Variants in RPE observed in about 807,000 individuals in gnomAD.
RPE encodes the protein ribulose-phosphate 3-epimerase.
A neutral mutation model predicts 24.6 loss-of-function variants in RPE; 16 were observed. The observed-to-expected ratio is 0.65, with a 90% CI of 0.44 to 0.99. The LOEUF is 0.99. Among genes scored for constraint, RPE ranks in the 50% least tolerant of loss-of-function variants. The pLI, the probability that RPE is intolerant of heterozygous loss-of-function variation, is 0.00. For missense variants in RPE, 240 were observed against 294.5 expected (o/e 0.81, Z 1.35); for synonymous variants, 93 against 98.4 (o/e 0.94, Z 0.33).
rs1210815588 is a variant in RPE at position 210,022,128 on chromosome 2, G to A, written c.*2337G>A. On this transcript the variant is annotated 3_prime_UTR_variant, in exon 6 of 6. Transcript: ENST00000359429. ...ACTCAAATTGAGTTTTCAAAGATGT[G>A]ATAGTATTAAAGTGCACCAATATTT... 3.3e-5 allele frequency: 5 copies of A among 151,262 alleles called. No homozygotes were observed. The highest frequency in any genetic ancestry group is 1.5e-5 in the Non-Finnish European group (1 of 67,866). The allele number at this position is 151,262 out of a possible 1,614,324, so 9.4% of individuals were successfully genotyped here. A position where few individuals can be genotyped will look rare whatever the true frequency, so the allele number is the denominator to read the frequency against.
chr2:210,002,638 A>T lies in RPE; in HGVS notation c.-24A>T, dbSNP rs768922593. The T allele has an allele frequency of 9.3e-6, 15 of 1,609,386 alleles. No individual in the cohort carries two copies. In the Admixed American group the frequency reaches 2.3e-4, roughly 25 times the overall value. ...CTAGCCTTGCCGGGGACTCGTGGGTAACTTGCTTTTGGGAGCCAGCGGTAT... is the reference window on the plus strand; with the variant it reads ...CTAGCCTTGCCGGGGACTCGTGGGTTACTTGCTTTTGGGAGCCAGCGGTAT... On this transcript the variant is annotated 5_prime_UTR_variant, in exon 1 of 6. Transcript: ENST00000359429.
chr2:210,004,003 G>T (rs976891596), intron 1 of RPE, among the ~76,000 whole-genome samples: 8 of 152,136 alleles, frequency 5.3e-5, no homozygotes, highest in Admixed American at 5.2e-4. Context: ...TCTCACAAAG[G>T]TTGGCTTTTA....
In RPE at chr2:210,022,215, C is replaced by CAAAG. The variant is rs1029685042; in HGVS notation, c.*2426_*2429dup. 3 of 151,744 alleles carry CAAAG rather than the reference C, an allele frequency of 2.0e-5. No individual in the cohort carries two copies. The highest frequency in any genetic ancestry group is 7.3e-5 in the African/African-American group (3 of 41,300). The allele number at this position is 151,744 out of a possible 1,614,324, so 9.4% of individuals were successfully genotyped here. Reference sequence around the variant, plus strand: ...ACAGAAAGTAGCCTGTGTTTAGTCCCAAAGATAGCAGTGATTTTGAATAAA... The same window carrying CAAAG: ...ACAGAAAGTAGCCTGTGTTTAGTCCCAAAGAAAGATAGCAGTGATTTTGAATAAA... On this transcript the variant is annotated 3_prime_UTR_variant, in exon 6 of 6. Coordinates refer to ENST00000359429, the MANE Select transcript of RPE (RefSeq NM_199229.3).
intron 2 of RPE, 124 bp downstream of exon 2, chr2:210,009,860 A>G: frequency 7.7e-7 from 1 of 1,304,688 alleles, no homozygotes; most frequent in Admixed American, 1.8e-5. Context: ...CTGGGTCTTC[A>G]TTGGCCTGAC....
At chr2:210,015,372 T>A (rs1369269314) in intron 2 of RPE, among the ~76,000 whole-genome samples, 1 of 152,230 alleles carries the variant, frequency 6.6e-6, no homozygotes, top group Non-Finnish European at 1.5e-5. Context: ...GAAGGGTTTC[T>A]CCTCACCACA....
At chr2:210,012,266 T>C (rs1261548987) in intron 2 of RPE, among the ~76,000 whole-genome samples, 1 of 152,178 alleles carries the variant, frequency 6.6e-6, no homozygotes, top group East Asian at 1.9e-4. Flanking sequence ...CATGAGAGTA[T>C]ATCAAAACTA....
At chr2:210,012,220 G>A (rs2093709756) in intron 2 of RPE, among the ~76,000 whole-genome samples, 1 of 152,130 alleles carries the variant, frequency 6.6e-6, no homozygotes, top group Non-Finnish European at 1.5e-5. Context: ...GTTGTATAAG[G>A]ACCCACACAA....
chr2:210,004,317 G>A (rs2093601948), intron 1 of RPE, among the ~76,000 whole-genome samples: 1 of 152,200 alleles, frequency 6.6e-6, no homozygotes, highest in African/African-American at 2.4e-5. Context: ...ATGTTTATGA[G>A]CACTTGACTG....
chr2:210,015,513 A>G (rs191483755), intron 2 of RPE, among the ~76,000 whole-genome samples: 43 of 152,328 alleles, frequency 2.8e-4, no homozygotes, highest in African/African-American at 1.0e-3. Flanking sequence ...TGTAATCCCT[A>G]TGACAGGAGA....
chr2:210,016,617 A>G lies in RPE; in HGVS notation c.453A>G (p.Lys151=), dbSNP rs1464405077. ...TGGAACCGGGGTTTGGAGGGCAGAA[A>G]TTCATGGAAGATATGATGCCAAAGG... ...MTVEPGFGGQ[K]FMEDMMPKVH... Residue 151 remains lysine (K), a synonymous_variant, in exon 4 of 6, where the codon AAA becomes AAG. Coordinates refer to ENST00000359429, the MANE Select transcript of RPE (RefSeq NM_199229.3). 6.2e-7 allele frequency: 1 copy of G among 1,614,216 alleles called. No homozygotes were observed. The highest frequency in any genetic ancestry group is 8.5e-7 in the Non-Finnish European group (1 of 1,180,026).
At position 210,022,031 on chromosome 2, in the gene RPE, GA is replaced by G. The variant is rs1352662865; in HGVS notation, c.*2241del. 114 of 142,332 alleles carry G rather than the reference GA, an allele frequency of 8.0e-4. No individual in the cohort carries two copies. Among genetic ancestry groups the G allele is most frequent in the African/African-American group, 3.0e-3 (109 of 36,536 alleles). 8.8% of individuals were successfully genotyped at this position (142,332 alleles called of 1,614,324 possible). Reference sequence around the variant, plus strand: ...TTTTTTTTTTTTCAAATTTTATACTGATAGGGCTTTACTGTTTGTGGCTCAT... The same window carrying G: ...TTTTTTTTTTTTCAAATTTTATACTGTAGGGCTTTACTGTTTGTGGCTCAT... On this transcript the variant is annotated 3_prime_UTR_variant, in exon 6 of 6. Transcript: ENST00000359429.
rs1271916246 is a variant in RPE at position 210,021,042 on chromosome 2, T to C, written c.*1251T>C. On this transcript the variant is annotated 3_prime_UTR_variant, in exon 6 of 6. Coordinates refer to ENST00000359429, the MANE Select transcript of RPE (RefSeq NM_199229.3). The stretch of plus-strand genomic sequence containing the variant: ...ATGGATCTTGACCCCAAGGATATAT[T>C]ATTTTATTCCAAGAAAGATCAGGTA... 6.6e-6 allele frequency: 1 copy of C among 152,106 alleles called. No homozygotes were observed. The highest frequency in any genetic ancestry group is 1.5e-5 in the Non-Finnish European group (1 of 67,968). 9.4% of individuals were successfully genotyped at this position (152,106 alleles called of 1,614,324 possible). A position where few individuals can be genotyped will look rare whatever the true frequency, so the allele number is the denominator to read the frequency against.
chr2:210,016,421 G>A (rs1241470708), intron 3 of RPE, 86 bp from the exon 4 acceptor site: 1 of 1,589,790 alleles, frequency 6.3e-7, no homozygotes, highest in African/African-American at 1.4e-5. Context: ...AATAAGAACA[G>A]ATATTTCTAC....
intron 2 of RPE, among the ~76,000 whole-genome samples, chr2:210,012,332 T>C (rs1471733640): frequency 6.6e-6 from 1 of 152,214 alleles, no homozygotes; most frequent in African/African-American, 2.4e-5. Context: ...TACAAAAACA[T>C]TGATGAGTTA....
At chr2:210,017,434 C>CAAA in intron 4 of RPE, 39 bp from the exon 5 acceptor site, 3 of 1,296,658 alleles carry the variant, frequency 2.3e-6, no homozygotes, top group Non-Finnish European at 3.3e-6. Context: ...CCAACATACC[C>CAAA]ACTTTAGGAG....
At chr2:210,019,400 A>G (rs2093825796) in intron 5 of RPE, among the ~76,000 whole-genome samples, 1 of 152,222 alleles carries the variant, frequency 6.6e-6, no homozygotes, top group South Asian at 2.1e-4. Context: ...TAAAGGTCGC[A>G]AAGATACCAT....
At position 210,020,740 on chromosome 2, in the gene RPE, G is replaced by T. The variant is rs1575331829; in HGVS notation, c.*949G>T. 3 of 163,506 alleles carry T rather than the reference G, an allele frequency of 1.8e-5. No individual in the cohort carries two copies. In the Admixed American group the frequency reaches 2.0e-4, roughly 11 times the overall value. 10.1% of individuals were successfully genotyped at this position (163,506 alleles called of 1,614,324 possible). On this transcript the variant is annotated 3_prime_UTR_variant, in exon 6 of 6. Transcript: ENST00000359429. ...ATTTTTGTGAGTTATAAAGTACTTT[G>T]ATATATTCTCATTAAATCTGTAAAT...
In RPE at chr2:210,009,683, G is replaced by A; in HGVS notation, c.149G>A (p.Gly50Asp). ...CATTTTGTTCCCAACATCACCTTTG[G>A]TCACCCTGTGGTAGAAAGCCTTCGA... Reference protein sequence around the residue: ...DGHFVPNITFGHPVVESLRKQ... With the variant: ...DGHFVPNITFDHPVVESLRKQ... The change falls in exon 2 of 6, where the codon GGT (glycine) becomes GAT (aspartate). Residue 50 changes from glycine (G) to aspartate (D), a missense_variant. Gly to Asp is a moderately conservative substitution (Grantham distance 94). Coordinates refer to ENST00000359429, the MANE Select transcript of RPE (RefSeq NM_199229.3). 6.2e-7 allele frequency: 1 copy of A among 1,614,052 alleles called. No homozygotes were observed. The highest frequency in any genetic ancestry group is 8.5e-7 in the Non-Finnish European group (1 of 1,179,988).
chr2:210,007,692 TTTC>T (rs2093648056), intron 1 of RPE, among the ~76,000 whole-genome samples: 1 of 152,266 alleles, frequency 6.6e-6, no homozygotes, highest in Non-Finnish European at 1.5e-5. Flanking sequence ...CATGAACTTC[TTTC>T]TTAACGTTCT....
Sources: gnomAD v4.1 joint callset for allele counts (sites outside exome capture counted in the v4.1 genomes callset) on GRCh38, gnomAD v4.1.1 for gene constraint, MANE v1.5 for transcripts, NCBI Gene and HGNC (gene_info 2026-07-23, HGNC 2026-07-21) for gene names.